The following RFX3 variants were observed in gnomAD, a reference collection of about 807,000 sequenced individuals.
RFX3 encodes transcription factor RFX3.
In RFX3, 14 loss-of-function variants were observed where a neutral mutation model predicts 98.6. The ratio of observed to expected loss-of-function variants is 0.14; its 90% CI spans 0.09 to 0.22. The LOEUF (loss-of-function observed/expected upper bound fraction) is 0.22, where lower values mean the gene tolerates loss of function less well. RFX3 is among the 10% of genes least tolerant of loss of function. The pLI, the probability that RFX3 is intolerant of heterozygous loss-of-function variation, is 1.00. For synonymous variants in RFX3, 383 were observed against 328.4 expected, an observed-to-expected ratio of 1.17 and a Z score of -1.80; for missense variants, 639 against 926.9, an observed-to-expected ratio of 0.69 and a Z score of 4.03.
intron 1 of RFX3, among the ~76,000 whole-genome samples, chr9:3,514,762 A>G (rs1299387689): frequency 2.0e-5 from 3 of 152,194 alleles, no homozygotes; most frequent in Non-Finnish European, 4.4e-5. Context: ...AATGCTCCTA[A>G]GACACATGCA....
chr9:3,301,534 G>A lies in RFX3; in HGVS notation c.549+12C>T, dbSNP rs1446029535. On this transcript the variant is annotated intron_variant, in intron 5 of 16. Transcript: ENST00000617270. ...GCAAGAGATTAGTGTACATGAAGAA[G>A]AGGCAACTTACATGGCTGTTGAGAA... 1.9e-6 allele frequency: 3 copies of A among 1,585,918 alleles called. No individual in the cohort carries two copies. In the African/African-American group the frequency reaches 4.0e-5, roughly 21 times the overall value.
At chr9:3,394,828 A>G in intron 2 of RFX3, 2 of 985,332 alleles carry the variant, frequency 2.0e-6, no homozygotes, top group Middle Eastern at 5.2e-4. Context: ...CACAATCCAC[A>G]TACATGAACA....
At chr9:3,336,807 GAGACT>G (rs1833240775) in intron 3 of RFX3, among the ~76,000 whole-genome samples, 1 of 152,120 alleles carries the variant, frequency 6.6e-6, no homozygotes, top group South Asian at 2.1e-4. Context: ...ATTTAAAAAA[GAGACT>G]AGACTAGACT....
At chr9:3,356,074 TA>T (rs769694802) in intron 2 of RFX3, among the ~76,000 whole-genome samples, 6 of 103,810 alleles carry the variant, frequency 5.8e-5, no homozygotes, top group African/African-American at 1.9e-4. Flanking sequence ...ATATATATAT[TA>T]GGGGGAAAAA....
chr9:3,428,427 TAG>T (rs1470385688), intron 1 of RFX3, among the ~76,000 whole-genome samples: 2 of 152,216 alleles, frequency 1.3e-5, no homozygotes, highest in Admixed American at 6.5e-5. Flanking sequence ...ACAAGTTTTG[TAG>T]AGTTTCTGAA....
At chr9:3,490,771 G>A (rs941877239) in intron 1 of RFX3, among the ~76,000 whole-genome samples, 1 of 152,052 alleles carries the variant, frequency 6.6e-6, no homozygotes, top group Admixed American at 6.6e-5. Context: ...TGATTTAGCA[G>A]CTGACATGCA....
At chr9:3,465,790 A>C (rs528524997) in intron 1 of RFX3, among the ~76,000 whole-genome samples, 30 of 152,284 alleles carry the variant, frequency 2.0e-4, no homozygotes, top group African/African-American at 6.3e-4. Context: ...GTGAGTGGTA[A>C]AGATAGTAAG....
rs1021882476 is a variant in RFX3 at position 3,525,835 on chromosome 9, G to A, written c.-97C>T. On this transcript the variant is annotated 5_prime_UTR_variant, in exon 1 of 17. Coordinates refer to ENST00000617270, the MANE Select transcript of RFX3 (RefSeq NM_001282116.2). ...AGGAGGAAGAGGAGGAGGAGGAGGA[G>A]AGGAGTAGTTGTTGTTGATGGGTAA... 11 of 973,192 alleles carry A rather than the reference G, an allele frequency of 1.1e-5. No homozygotes were observed. Among genetic ancestry groups the A allele is most frequent in the Non-Finnish European group, 1.2e-5 (10 of 818,194 alleles). 60.3% of individuals were successfully genotyped at this position (973,192 alleles called of 1,614,324 possible). A position where few individuals can be genotyped will look rare whatever the true frequency, so the allele number is the denominator to read the frequency against.
At chr9:3,428,833 T>C (rs887421498) in intron 1 of RFX3, among the ~76,000 whole-genome samples, 3 of 152,176 alleles carry the variant, frequency 2.0e-5, no homozygotes, top group African/African-American at 7.2e-5. Context: ...ATAAAGCGTA[T>C]TTTTGCCAAG....
In RFX3 at chr9:3,248,181, T is replaced by C. The variant is rs763979703; in HGVS notation, c.1819A>G (p.Met607Val). 5 of 1,604,532 alleles carry C rather than the reference T, an allele frequency of 3.1e-6. No homozygotes were observed. Among genetic ancestry groups the C allele is most frequent in the South Asian group, 2.2e-5 (2 of 90,374 alleles). Residue 607 changes from methionine (M) to valine (V), a missense_variant, in exon 15 of 17, where the codon ATG (methionine) becomes GTG (valine). Physicochemically the swap from Met to Val is conservative, Grantham distance 21. Coordinates refer to ENST00000617270, the MANE Select transcript of RFX3 (RefSeq NM_001282116.2). ...CGTAAGGTTAAGTCCCGAATAACCA[T>C]TGAGCTGTTCCAAGAGAAAAGACAA... ...FLLKWSFYSS[M>V]VIRDLTLRSA...
intron 1 of RFX3, among the ~76,000 whole-genome samples, chr9:3,497,458 G>C (rs1271467349): frequency 2.6e-5 from 4 of 151,916 alleles, no homozygotes; most frequent in African/African-American, 4.8e-5. Flanking sequence ...TAGAGTTTTT[G>C]CCTGGTAAAG....
intron 4 of RFX3, among the ~76,000 whole-genome samples, chr9:3,314,246 A>C (rs560584627): frequency 3.3e-5 from 5 of 152,318 alleles, no homozygotes; most frequent in Non-Finnish European, 5.9e-5. Flanking sequence ...GAATTTTCAA[A>C]CCAGAATTTC....
intron 3 of RFX3, among the ~76,000 whole-genome samples, chr9:3,341,190 C>T (rs12001554): frequency 0.13 from 20,108 of 151,192 alleles, 4,046 homozygotes; most frequent in African/African-American, 0.44. Context: ...CACTCACAGG[C>T]GGGAATTGAA....
At chr9:3,437,969 T>G (rs1845299500) in intron 1 of RFX3, among the ~76,000 whole-genome samples, 1 of 152,092 alleles carries the variant, frequency 6.6e-6, no homozygotes, top group African/African-American at 2.4e-5. Context: ...ACGTATATAT[T>G]TTCTTTTTCC....
At chr9:3,287,569 T>C (rs1252589975) in intron 7 of RFX3, among the ~76,000 whole-genome samples, 1 of 151,962 alleles carries the variant, frequency 6.6e-6, no homozygotes, top group African/African-American at 2.4e-5. Context: ...TGACATATTT[T>C]TCAAATCTAA....
chr9:3,286,843 T>G (rs1231737872), intron 7 of RFX3, among the ~76,000 whole-genome samples: 2 of 151,934 alleles, frequency 1.3e-5, no homozygotes, highest in African/African-American at 4.8e-5. Flanking sequence ...ACAGACATCA[T>G]GGACTTCACC....
chr9:3,222,550 T>A lies in RFX3; in HGVS notation c.*2492A>T, dbSNP rs1817392136. On this transcript the variant is annotated 3_prime_UTR_variant, in exon 17 of 17. Transcript: ENST00000617270. ...CAATAAACAAAATGAAACCAGTAAA[T>A]ACATTTGGTCCAATACAGATATAGT... 3 of 151,452 alleles carry A rather than the reference T, an allele frequency of 2.0e-5. No homozygotes were observed. The highest frequency in any genetic ancestry group is 7.4e-5 in the African/African-American group (3 of 40,794). 9.4% of individuals were successfully genotyped at this position (151,452 alleles called of 1,614,324 possible).
At chr9:3,255,924 T>C (rs539727886) in intron 14 of RFX3, among the ~76,000 whole-genome samples, 6 of 152,304 alleles carry the variant, frequency 3.9e-5, no homozygotes, top group African/African-American at 1.4e-4. Flanking sequence ...CAGGAGAGCT[T>C]TGTGAAAAAA....
chr9:3,394,385 C>A (rs1220956369), intron 2 of RFX3, among the ~76,000 whole-genome samples: 1 of 152,134 alleles, frequency 6.6e-6, no homozygotes, highest in African/African-American at 2.4e-5. Context: ...ATGGTGTGAA[C>A]CCGGGAGGCA....
Sources: allele counts gnomAD v4.1 joint callset (sites outside exome capture counted in the v4.1 genomes callset), GRCh38; gene constraint gnomAD v4.1.1; transcripts MANE v1.5; gene names NCBI Gene and HGNC (gene_info 2026-07-23, HGNC 2026-07-21).